The following FRMD4A variants were observed in gnomAD, a reference collection of about 807,000 sequenced individuals.
The protein encoded by FRMD4A is FERM domain-containing protein 4A.
In FRMD4A, 29 loss-of-function variants were observed where a neutral mutation model predicts 129.1. The ratio of observed to expected loss-of-function variants is 0.22; its 90% CI spans 0.17 to 0.31. The LOEUF (loss-of-function observed/expected upper bound fraction) is 0.31, where lower values mean the gene tolerates loss of function less well. Among genes scored for constraint, FRMD4A ranks in the 10% least tolerant of loss-of-function variants. The probability of loss-of-function intolerance (pLI) is 1.00; values close to 1 mark genes in which losing one functional copy is unlikely to be tolerated. For synonymous variants in FRMD4A, 634 were observed against 571.6 expected (o/e 1.11, Z -1.56); for missense variants, 1,272 against 1,375.8 (o/e 0.92, Z 1.19).
chr10:14,019,917 G>A (rs1832658662), intron 2 of FRMD4A, among the ~76,000 whole-genome samples: 1 of 152,180 alleles, frequency 6.6e-6, no homozygotes, highest in Non-Finnish European at 1.5e-5. Flanking sequence ...CCTTTGGGGT[G>A]CGTTGTGGGG....
chr10:14,242,956 T>C (rs1318594051), intron 2 of FRMD4A, among the ~76,000 whole-genome samples: 1 of 152,240 alleles, frequency 6.6e-6, no homozygotes, highest in African/African-American at 2.4e-5. Flanking sequence ...GGAAGCATTA[T>C]TTATAAAGGG....
chr10:14,116,658 C>A (rs1291624267), intron 2 of FRMD4A, among the ~76,000 whole-genome samples: 2 of 152,160 alleles, frequency 1.3e-5, no homozygotes, highest in East Asian at 3.8e-4. Flanking sequence ...CCATTTATAG[C>A]AGCTTTAAAA....
chr10:13,696,343 G>C (rs1024786823), intron 14 of FRMD4A, among the ~76,000 whole-genome samples: 1 of 152,106 alleles, frequency 6.6e-6, no homozygotes, highest in Non-Finnish European at 1.5e-5. Context: ...GGAGACCCAG[G>C]TTTTAATAAA....
At chr10:13,831,521 G>A (rs569382887) in intron 3 of FRMD4A, among the ~76,000 whole-genome samples, 40 of 152,318 alleles carry the variant, frequency 2.6e-4, no homozygotes, top group African/African-American at 9.6e-4. Context: ...GACTTGGACT[G>A]GCATTAAGGT....
At chr10:14,304,653 G>T (rs1846287536) in intron 2 of FRMD4A, among the ~76,000 whole-genome samples, 1 of 152,066 alleles carries the variant, frequency 6.6e-6, no homozygotes, top group Admixed American at 6.6e-5. Context: ...TCTGTGGAAG[G>T]GTCTGTCTAT....
intron 2 of FRMD4A, among the ~76,000 whole-genome samples, chr10:14,206,099 T>C (rs1314812759): frequency 6.6e-6 from 1 of 152,200 alleles, no homozygotes; most frequent in Non-Finnish European, 1.5e-5. Context: ...TGATGGACAG[T>C]GTGTCCTGCC....
At chr10:13,811,267 T>C (rs1285023049) in intron 3 of FRMD4A, among the ~76,000 whole-genome samples, 6 of 150,036 alleles carry the variant, frequency 4.0e-5, no homozygotes, top group Admixed American at 2.7e-4. Context: ...TCTGGGATTA[T>C]AGGCATATGC....
chr10:13,737,188 C>G (rs867959108), intron 12 of FRMD4A, among the ~76,000 whole-genome samples: 1 of 152,320 alleles, frequency 6.6e-6, no homozygotes, highest in African/African-American at 2.4e-5. Flanking sequence ...CTCCCGGGCT[C>G]AAGCGATTCT....
chr10:13,790,097 C>A (rs1350604099), intron 5 of FRMD4A, among the ~76,000 whole-genome samples: 1 of 151,856 alleles, frequency 6.6e-6, no homozygotes, highest in Non-Finnish European at 1.5e-5. Flanking sequence ...GGATAGGGAG[C>A]TGTTTAAGAT....
intron 2 of FRMD4A, among the ~76,000 whole-genome samples, chr10:13,926,802 C>T (rs561335884): frequency 2.1e-4 from 32 of 152,310 alleles, no homozygotes; most frequent in South Asian, 1.0e-3. Flanking sequence ...GCCTAAAAGA[C>T]CCACATACTT....
intron 2 of FRMD4A, among the ~76,000 whole-genome samples, chr10:14,228,470 T>C (rs529615787): frequency 1.3e-5 from 2 of 152,346 alleles, no homozygotes; most frequent in African/African-American, 4.8e-5. Context: ...AAATGTTTAA[T>C]TTTGTAGGTG....
intron 2 of FRMD4A, among the ~76,000 whole-genome samples, chr10:14,012,605 G>T (rs1461268190): frequency 3.3e-5 from 5 of 152,176 alleles, no homozygotes; most frequent in Non-Finnish European, 7.3e-5. Context: ...CAACGTGTAT[G>T]CACGGTCACA....
chr10:13,864,411 C>A (rs575092800), intron 2 of FRMD4A, among the ~76,000 whole-genome samples: 21 of 149,530 alleles, frequency 1.4e-4, no homozygotes, highest in South Asian at 2.1e-4. Context: ...TCTTTGAATT[C>A]AAAAAAAAGT....
At chr10:13,679,621 C>T (rs2084353850) in intron 15 of FRMD4A, among the ~76,000 whole-genome samples, 1 of 150,808 alleles carries the variant, frequency 6.6e-6, no homozygotes, top group Non-Finnish European at 1.5e-5. Flanking sequence ...TATCCTATTC[C>T]ACTCCACGTT....
At chr10:14,090,947 C>G (rs558110859) in intron 2 of FRMD4A, among the ~76,000 whole-genome samples, 20 of 151,742 alleles carry the variant, frequency 1.3e-4, no homozygotes, top group Admixed American at 7.9e-4. Context: ...TAGCCGGGAC[C>G]ATAGGCACAC....
intron 2 of FRMD4A, among the ~76,000 whole-genome samples, chr10:13,920,100 G>T (rs778551260): frequency 1.2e-4 from 18 of 152,164 alleles, no homozygotes; most frequent in Non-Finnish European, 2.9e-5. Context: ...CTTAGAAGGG[G>T]AGCAAGATTT....
chr10:14,254,572 A>G (rs1360262202), intron 2 of FRMD4A, among the ~76,000 whole-genome samples: 1 of 152,132 alleles, frequency 6.6e-6, no homozygotes, highest in Non-Finnish European at 1.5e-5. Context: ...GGATACGCCT[A>G]GCACCTTTCT....
chr10:14,325,108 C>A (rs889328095), intron 2 of FRMD4A, among the ~76,000 whole-genome samples: 2 of 152,194 alleles, frequency 1.3e-5, no homozygotes, highest in Admixed American at 6.5e-5. Context: ...CATCTGCAAA[C>A]GCACTTTGAA....
chr10:14,239,529 A>G (rs1209023260), intron 2 of FRMD4A, among the ~76,000 whole-genome samples: 1 of 152,148 alleles, frequency 6.6e-6, no homozygotes, highest in Non-Finnish European at 1.5e-5. Context: ...AGGGAGGCTG[A>G]GGCAGGAGAC....
Sources: gnomAD v4.1 joint callset for allele counts (sites outside exome capture counted in the v4.1 genomes callset) on GRCh38, gnomAD v4.1.1 for gene constraint, MANE v1.5 for transcripts, NCBI Gene and HGNC (gene_info 2026-07-23, HGNC 2026-07-21) for gene names.